EPHA5: variants seen among roughly 807,000 people sequenced by gnomAD.
EPHA5 encodes the protein ephrin type-A receptor 5.
Under a neutral mutation model 105.0 loss-of-function variants are expected in EPHA5, and 60 were observed. The ratio of observed to expected loss-of-function variants is 0.57; its 90% CI spans 0.46 to 0.71. The LOEUF (loss-of-function observed/expected upper bound fraction) is 0.71. Ranked by LOEUF, EPHA5 falls within the 30% of genes least tolerant of loss-of-function variation. The probability of loss-of-function intolerance (pLI) is 0.00; values close to 1 mark genes in which losing one functional copy is unlikely to be tolerated. For missense variants in EPHA5, 1,218 were observed against 1,274.7 expected (o/e 0.96, Z 0.68); for synonymous variants, 513 against 449.1 (o/e 1.14, Z -1.80).
chr4:65,643,523 CAT>C (rs1560813277), intron 1 of EPHA5, 96 bp from the exon 2 acceptor site: 5 of 1,003,976 alleles, frequency 5.0e-6, no homozygotes, highest in African/African-American at 1.6e-5. Context: ...ATGTTGTTTA[CAT>C]AACTGAAATT....
At chr4:65,337,287 C>A (rs888984208) in intron 14 of EPHA5, among the ~76,000 whole-genome samples, 4 of 152,034 alleles carry the variant, frequency 2.6e-5, no homozygotes, top group Admixed American at 6.6e-5. Context: ...AGCATATTAA[C>A]CCCGCAGTGC....
intron 2 of EPHA5, among the ~76,000 whole-genome samples, chr4:65,617,216 TC>T: frequency 6.6e-6 from 1 of 152,106 alleles, no homozygotes; most frequent in Admixed American, 6.5e-5. Context: ...TCCTGTTTAC[TC>T]CTCTTACACG....
chr4:65,388,139 A>G (rs1480808591), intron 8 of EPHA5, among the ~76,000 whole-genome samples: 1 of 150,356 alleles, frequency 6.7e-6, no homozygotes, highest in Admixed American at 6.6e-5. Context: ...CCTACAAAGG[A>G]CATGAACTCA....
intron 3 of EPHA5, among the ~76,000 whole-genome samples, chr4:65,560,635 C>T (rs1471626127): frequency 6.6e-6 from 1 of 151,980 alleles, no homozygotes; most frequent in African/African-American, 2.4e-5. Flanking sequence ...TACTCACTGT[C>T]AGTTTTCTTT....
At chr4:65,448,656 A>G (rs753557327) in intron 5 of EPHA5, among the ~76,000 whole-genome samples, 3 of 152,168 alleles carry the variant, frequency 2.0e-5, no homozygotes, top group Non-Finnish European at 2.9e-5. Context: ...TCGAAAACAT[A>G]GAAACAAACA....
In EPHA5 at chr4:65,393,434, C is replaced by G. The variant is rs370173326; in HGVS notation, c.1793+10940G>C. Among the ~76,000 whole-genome samples the G allele has an allele frequency of 2.0e-5, 3 of 152,278 alleles. No individual in the cohort carries two copies. In the East Asian group the frequency reaches 5.8e-4, roughly 29 times the overall value. On this transcript the variant is annotated intron_variant, in intron 8 of 16. Coordinates refer to ENST00000613740, the MANE Select transcript of EPHA5 (RefSeq NM_001281766.3). ...GCCCTAAAGTCAAATCTGTGTTCAA[C>G]ACAGTGACCATTTCCCCTTAGTGAC...
At chr4:65,376,963 A>G (rs1405059044) in intron 8 of EPHA5, 5 of 1,560,468 alleles carry the variant, frequency 3.2e-6, no homozygotes, top group Non-Finnish European at 3.5e-6. Flanking sequence ...ATAGGTGGAC[A>G]TCACATAGGA....
intron 3 of EPHA5, among the ~76,000 whole-genome samples, chr4:65,590,524 T>C (rs191314035): frequency 1.1e-3 from 172 of 152,306 alleles, no homozygotes; most frequent in Admixed American, 2.0e-3. Flanking sequence ...GGTTAGTAAT[T>C]CCATGCCTTC....
chr4:65,395,466 G>C (rs1225975862), intron 8 of EPHA5, among the ~76,000 whole-genome samples: 1 of 152,014 alleles, frequency 6.6e-6, no homozygotes, highest in African/African-American at 2.4e-5. Flanking sequence ...AGTACAAAAG[G>C]CTAAATTTTA....
intron 5 of EPHA5, among the ~76,000 whole-genome samples, chr4:65,467,619 A>G (rs1227083510): frequency 6.6e-6 from 1 of 152,186 alleles, no homozygotes; most frequent in Non-Finnish European, 1.5e-5. Flanking sequence ...TGATCTTCAG[A>G]TGCCTAAGAG....
Position 65,319,696 on chromosome 4 carries a change from T to A in EPHA5, c.*4418A>T, listed in dbSNP as rs1719487228. On this transcript the variant is annotated 3_prime_UTR_variant, in exon 17 of 17. Coordinates refer to ENST00000613740, the MANE Select transcript of EPHA5 (RefSeq NM_001281766.3). Reference sequence around the variant, plus strand: ...AAAATACAGAAATCCTAATCCTTCTTTGAATTAACTGTGAGACAGGAACTT... The same window carrying A: ...AAAATACAGAAATCCTAATCCTTCTATGAATTAACTGTGAGACAGGAACTT... 1 of 225,638 alleles carries A rather than the reference T, an allele frequency of 4.4e-6. No homozygotes were observed. 14.0% of individuals were successfully genotyped at this position (225,638 alleles called of 1,614,324 possible).
chr4:65,566,516 C>T (rs368709601), intron 3 of EPHA5, among the ~76,000 whole-genome samples: 386 of 151,858 alleles, frequency 2.5e-3, no homozygotes, highest in African/African-American at 8.9e-3. Context: ...TTCTTCAATT[C>T]CACCCACCCA....
intron 16 of EPHA5, among the ~76,000 whole-genome samples, chr4:65,325,504 ATTTG>A (rs1428026083): frequency 6.6e-6 from 1 of 151,338 alleles, no homozygotes; most frequent in Non-Finnish European, 1.5e-5. Context: ...ATGGAAACAT[ATTTG>A]TTTTTTAGAA....
At chr4:65,651,709 C>G (rs189844132) in intron 1 of EPHA5, among the ~76,000 whole-genome samples, 1 of 152,140 alleles carries the variant, frequency 6.6e-6, no homozygotes, top group African/African-American at 2.4e-5. Context: ...ATAGACATTG[C>G]TCTTCAAAAG....
At position 65,319,633 on chromosome 4, in the gene EPHA5, G is replaced by A. The variant is rs910727016; in HGVS notation, c.*4481C>T. 9.1e-6 allele frequency: 2 copies of A among 218,812 alleles called. No individual in the cohort carries two copies. Among genetic ancestry groups the A allele is most frequent in the Non-Finnish European group, 1.8e-5 (2 of 108,966 alleles). 13.6% of individuals were successfully genotyped at this position (218,812 alleles called of 1,614,324 possible). A position where few individuals can be genotyped will look rare whatever the true frequency, so the allele number is the denominator to read the frequency against. On this transcript the variant is annotated 3_prime_UTR_variant, in exon 17 of 17. Coordinates refer to ENST00000613740, the MANE Select transcript of EPHA5 (RefSeq NM_001281766.3). ...TCATATCTTACACTACAAAAAGCAT[G>A]TACACAAACCAAATGCACATAAAGA...
chr4:65,377,001 A>G, intron 8 of EPHA5: 1 of 1,607,582 alleles, frequency 6.2e-7, no homozygotes, highest in Non-Finnish European at 8.5e-7. Flanking sequence ...CACTAACCAT[A>G]TTAGGCTTGG....
intron 9 of EPHA5, 115 bp from the exon 10 acceptor site, chr4:65,366,172 T>G (rs532902547): frequency 2.1e-6 from 2 of 945,518 alleles, no homozygotes; most frequent in Non-Finnish European, 3.2e-6. Flanking sequence ...GTATTCAAAC[T>G]GCAAGGACCA....
At chr4:65,656,707 A>G (rs1226765654) in intron 1 of EPHA5, among the ~76,000 whole-genome samples, 3 of 150,642 alleles carry the variant, frequency 2.0e-5, no homozygotes, top group African/African-American at 7.3e-5. Context: ...TCAACCTCCC[A>G]GGGCTCAGGT....
intron 14 of EPHA5, among the ~76,000 whole-genome samples, chr4:65,342,147 G>A (rs1721789514): frequency 8.1e-6 from 1 of 122,908 alleles, no homozygotes; most frequent in Middle Eastern, 4.2e-3. Context: ...ACTGGTTTAA[G>A]TCCAAGATTT....
Sources: gnomAD v4.1 joint callset for allele counts (sites outside exome capture counted in the v4.1 genomes callset) on GRCh38, gnomAD v4.1.1 for gene constraint, MANE v1.5 for transcripts, NCBI Gene and HGNC (gene_info 2026-07-23, HGNC 2026-07-21) for gene names.